Variants in IKZF2 observed in about 807,000 individuals in gnomAD.
IKZF2 encodes the protein zinc finger protein Helios.
A neutral mutation model predicts 49.2 loss-of-function variants in IKZF2; 15 were observed. The observed-to-expected ratio is 0.30, with a 90% CI of 0.20 to 0.47. The LOEUF is 0.47. Among genes scored for constraint, IKZF2 ranks in the 20% least tolerant of loss-of-function variants. IKZF2 has a pLI of 1.00. For synonymous variants in IKZF2, 227 were observed against 221.4 expected (o/e 1.03, Z -0.23); for missense variants, 567 against 664.6 (o/e 0.85, Z 1.61).
chr2:213,070,066 G>C (rs1702540483), intron 4 of IKZF2, among the ~76,000 whole-genome samples: 1 of 151,910 alleles, frequency 6.6e-6, no homozygotes, highest in Non-Finnish European at 1.5e-5. Context: ...TCAAATGTCT[G>C]GTTTGACTTT....
intron 4 of IKZF2, among the ~76,000 whole-genome samples, chr2:213,080,799 C>G (rs1703859609): frequency 6.6e-6 from 1 of 151,864 alleles, no homozygotes; most frequent in Non-Finnish European, 1.5e-5. Flanking sequence ...AAAATCCTAA[C>G]TAATTCTAAT....
intron 6 of IKZF2, among the ~76,000 whole-genome samples, chr2:213,026,510 A>G (rs1308712300): frequency 6.6e-6 from 1 of 152,144 alleles, no homozygotes; most frequent in East Asian, 1.9e-4. Flanking sequence ...GAAAGAACTA[A>G]TAAGTGGAGT....
chr2:213,128,804 C>CTTTTTTTTTTTTTTTTTTTTTTTTTT (rs1184422126), intron 4 of IKZF2, among the ~76,000 whole-genome samples: 1 of 113,182 alleles, frequency 8.8e-6, no homozygotes. Flanking sequence ...ATTTTTTTTT[C>CTTTTTTTTTTTTTTTTTTTTTTTTTT]TTTTTTTTTT....
chr2:213,083,533 G>A (rs890548828), intron 4 of IKZF2, among the ~76,000 whole-genome samples: 2 of 146,270 alleles, frequency 1.4e-5, no homozygotes, highest in East Asian at 2.0e-4. Context: ...ACAGACATGC[G>A]CCACCACACC....
chr2:213,047,717 C>T (rs1350544004), intron 6 of IKZF2, among the ~76,000 whole-genome samples: 1 of 152,024 alleles, frequency 6.6e-6, no homozygotes, highest in Non-Finnish European at 1.5e-5. Context: ...GGAGCTGTTG[C>T]TATACAATGA....
intron 4 of IKZF2, among the ~76,000 whole-genome samples, chr2:213,141,602 C>G (rs1049452181): frequency 3.9e-5 from 6 of 151,926 alleles, no homozygotes; most frequent in Non-Finnish European, 7.4e-5. Context: ...TCCAGTTACT[C>G]CTAAATCCTA....
intron 4 of IKZF2, among the ~76,000 whole-genome samples, chr2:213,059,517 A>G (rs1368857834): frequency 6.6e-6 from 1 of 151,642 alleles, no homozygotes; most frequent in Non-Finnish European, 1.5e-5. Context: ...TATTCCATTC[A>G]TAATTGCCAT....
Position 213,150,190 on chromosome 2 carries a change from C to A in IKZF2, c.-62G>T, listed in dbSNP as rs764262883. 1.5e-6 allele frequency: 2 copies of A among 1,303,690 alleles called. No homozygotes were observed. The highest frequency in any genetic ancestry group is 2.0e-6 in the Non-Finnish European group (2 of 988,150). 80.8% of individuals were successfully genotyped at this position (1,303,690 alleles called of 1,614,324 possible). On this transcript the variant is annotated 5_prime_UTR_variant, in exon 2 of 9. Transcript: ENST00000434687. ...AAAAAAGATTCATCACCATTTCCAG[C>A]TCTGTCGGGAGATCTCAGCTTCTTC... is the stretch of plus-strand genomic sequence containing the variant.
intron 8 of IKZF2, among the ~76,000 whole-genome samples, chr2:213,010,213 G>T (rs188751701): frequency 6.6e-6 from 1 of 152,220 alleles, no homozygotes; most frequent in East Asian, 1.9e-4. Flanking sequence ...TCAGAAGAGA[G>T]ACCTGGGCTT....
intron 6 of IKZF2, 59 bp from the exon 7 acceptor site, chr2:213,022,189 C>A (rs1697303241): frequency 1.4e-6 from 2 of 1,441,426 alleles, no homozygotes; most frequent in Non-Finnish European, 1.8e-6. Flanking sequence ...AAAGCAAAAT[C>A]AATAGCTAAC....
At chr2:213,040,921 C>G (rs964393193) in intron 6 of IKZF2, among the ~76,000 whole-genome samples, 5 of 152,086 alleles carry the variant, frequency 3.3e-5, no homozygotes, top group African/African-American at 9.7e-5. Context: ...AGTTCAAGAC[C>G]AGCCTGGCCA....
intron 4 of IKZF2, among the ~76,000 whole-genome samples, chr2:213,130,255 A>G (rs2060431663): frequency 6.6e-6 from 1 of 152,232 alleles, no homozygotes; most frequent in African/African-American, 2.4e-5. Flanking sequence ...ACTCAGAAAC[A>G]AAAACTAATC....
chr2:213,120,533 G>A (rs1217564772), intron 4 of IKZF2, among the ~76,000 whole-genome samples: 1 of 152,190 alleles, frequency 6.6e-6, no homozygotes, highest in African/African-American at 2.4e-5. Context: ...AGATTGGGCT[G>A]TTTAGTAAAG....
intron 4 of IKZF2, among the ~76,000 whole-genome samples, chr2:213,136,370 C>CAAAAAAAAAAAAAAAAAAAAAAAA (rs11325415): frequency 1.9e-5 from 1 of 53,648 alleles, no homozygotes; most frequent in African/African-American, 7.1e-5. Flanking sequence ...GACACTGTCT[C>CAAAAAAAAAAAAAAAAAAAAAAAA]AAAAAAAAAA....
chr2:213,065,042 G>C (rs1039293479), intron 4 of IKZF2, among the ~76,000 whole-genome samples: 1 of 151,852 alleles, frequency 6.6e-6, no homozygotes, highest in African/African-American at 2.4e-5. Flanking sequence ...TGTCCTATGA[G>C]TCTTTTAGTT....
intron 4 of IKZF2, among the ~76,000 whole-genome samples, chr2:213,080,099 T>C (rs931683274): frequency 1.3e-5 from 2 of 151,790 alleles, no homozygotes; most frequent in African/African-American, 4.8e-5. Flanking sequence ...ACAAAAGAAA[T>C]AAAAACACTC....
At chr2:213,026,610 T>G (rs1208178796) in intron 6 of IKZF2, among the ~76,000 whole-genome samples, 1 of 152,108 alleles carries the variant, frequency 6.6e-6, no homozygotes, top group Non-Finnish European at 1.5e-5. Context: ...ATGTAAAATA[T>G]TCATATAAAA....
Position 213,013,937 on chromosome 2 carries a change from A to G in IKZF2, c.713-3T>C. ...CTTACAATCTTCCATAGGAGGTACT[A>G]TACAAAACCATAGAAAAATGCAATC... On this transcript the variant is annotated splice_polypyrimidine_tract_variant and splice_region_variant and intron_variant, in intron 7 of 8. Transcript: ENST00000434687. 2 of 1,609,420 alleles carry G rather than the reference A, an allele frequency of 1.2e-6. No homozygotes were observed. The highest frequency in any genetic ancestry group is 1.7e-6 in the Non-Finnish European group (2 of 1,176,998).
Position 213,056,991 on chromosome 2 carries a change from G to A in IKZF2, c.248C>T (p.Pro83Leu), listed in dbSNP as rs761250260. 3.7e-6 allele frequency: 6 copies of A among 1,613,634 alleles called. No individual in the cohort carries two copies. Among genetic ancestry groups the A allele is most frequent in the Non-Finnish European group, 5.1e-6 (6 of 1,179,876 alleles). ...GHDEGSSLEE[P>L]LIESSEVADN... Reference sequence around the variant, plus strand: ...AGCCACCTCGCTGCTCTCAATTAGGGGTTCTTCTAGGCTGCTACCCTCATC... The same window carrying A: ...AGCCACCTCGCTGCTCTCAATTAGGAGTTCTTCTAGGCTGCTACCCTCATC... Residue 83 changes from proline (P) to leucine (L), a missense_variant, in exon 5 of 9, where the codon CCC becomes CTC. Around this residue, in one of 5 missense-constraint regions of IKZF2, gnomAD observed 156 missense variants for 138.5 expected, o/e 1.13. Coordinates refer to ENST00000434687, the MANE Select transcript of IKZF2 (RefSeq NM_001387220.1).
Sources: allele counts gnomAD v4.1 joint callset (sites outside exome capture counted in the v4.1 genomes callset), GRCh38; gene constraint gnomAD v4.1.1; regional missense constraint gnomAD v4.1.1; transcripts MANE v1.5; gene names NCBI Gene and HGNC (gene_info 2026-07-23, HGNC 2026-07-21).